Variants in CPSF7 observed in about 807,000 individuals in gnomAD.
CPSF7 encodes cleavage and polyadenylation specificity factor subunit 7.
In CPSF7, 1 loss-of-function variant was observed where a neutral mutation model predicts 44.3. The ratio of observed to expected loss-of-function variants is 0.02; its 90% CI spans 0.01 to 0.11. CPSF7 has a LOEUF of 0.11. Among genes scored for constraint, CPSF7 ranks in the 10% least tolerant of loss-of-function variants. The pLI, the probability that CPSF7 is intolerant of heterozygous loss-of-function variation, is 1.00. For missense variants in CPSF7, 443 were observed against 607.2 expected, an observed-to-expected ratio of 0.73 and a Z score of 2.84; for synonymous variants, 202 against 222.0, an observed-to-expected ratio of 0.91 and a Z score of 0.80.
chr11:61,415,393 C>T (rs776434624), intron 7 of CPSF7, among the ~76,000 whole-genome samples: 8 of 152,140 alleles, frequency 5.3e-5, no homozygotes, highest in Non-Finnish European at 1.2e-4. Context: ...TTTCACTCTA[C>T]AGCAAACACC....
chr11:61,408,097 C>T (rs1401904532), intron 9 of CPSF7, among the ~76,000 whole-genome samples: 4 of 150,274 alleles, frequency 2.7e-5, no homozygotes, highest in South Asian at 2.1e-4. Context: ...CACTCTGTCG[C>T]CCAGGCTGGA....
At chr11:61,423,079 C>A (rs2135382759) in intron 2 of CPSF7, among the ~76,000 whole-genome samples, 1 of 114,998 alleles carries the variant, frequency 8.7e-6, no homozygotes, top group South Asian at 2.9e-4. Context: ...GTGAGCCAGC[C>A]TGGGCAACAG....
At chr11:61,412,378 C>T (rs1374059724) in intron 7 of CPSF7, among the ~76,000 whole-genome samples, 1 of 151,948 alleles carries the variant, frequency 6.6e-6, no homozygotes, top group Non-Finnish European at 1.5e-5. Context: ...CAAGCTCCGC[C>T]TCCCAGGTTC....
chr11:61,423,620 T>C (rs1392066629), intron 2 of CPSF7, among the ~76,000 whole-genome samples: 1 of 152,236 alleles, frequency 6.6e-6, no homozygotes, highest in African/African-American at 2.4e-5. Context: ...CAGTTTCATA[T>C]TGCTATTCTT....
At chr11:61,417,353 A>G (rs1026427547) in intron 5 of CPSF7, among the ~76,000 whole-genome samples, 4 of 152,220 alleles carry the variant, frequency 2.6e-5, no homozygotes, top group African/African-American at 7.2e-5. Context: ...AGCTCAGAAC[A>G]TGTTTTAAAC....
intron 7 of CPSF7, among the ~76,000 whole-genome samples, chr11:61,414,148 A>ATTTT (rs11420964): frequency 3.8e-5 from 5 of 132,634 alleles, no homozygotes; most frequent in African/African-American, 5.7e-5. Flanking sequence ...AAAAAGACTA[A>ATTTT]TTTTTTTTTT....
chr11:61,405,174 A>G (rs1181010036), intron 9 of CPSF7, among the ~76,000 whole-genome samples: 1 of 152,190 alleles, frequency 6.6e-6, no homozygotes, highest in Non-Finnish European at 1.5e-5. Context: ...GAAAACAAGT[A>G]TGTACACAAC....
chr11:61,415,712 T>C lies in CPSF7; in HGVS notation c.1011A>G (p.Ala337=), dbSNP rs1860262339. The C allele has an allele frequency of 6.2e-7, 1 of 1,614,076 alleles. No homozygotes were observed. The highest frequency in any genetic ancestry group is 8.5e-7 in the Non-Finnish European group (1 of 1,180,014). ...EFEDIMKRNR[A]ISSSAISKAV... is the part of the protein sequence containing the mutation. ...CTTTGGAAATGGCACTGCTGGAAAT[T>C]GCTCTGTTTCGCTTCATGATATCTT... is the stretch of plus-strand genomic sequence containing the variant. Residue 337 remains alanine (A), a synonymous_variant, in exon 7 of 10, where the codon GCA becomes GCG. Transcript: ENST00000439958.
chr11:61,428,221 GCC>G (rs1861586225), intron 2 of CPSF7, among the ~76,000 whole-genome samples: 1 of 152,294 alleles, frequency 6.6e-6, no homozygotes, highest in African/African-American at 2.4e-5. Context: ...TTGTTCTGTT[GCC>G]CAGGATAGAG....
At chr11:61,409,207 C>A (rs1343267917) in intron 9 of CPSF7, among the ~76,000 whole-genome samples, 1 of 151,808 alleles carries the variant, frequency 6.6e-6, no homozygotes, top group Non-Finnish European at 1.5e-5. Context: ...GGTGCGGTGG[C>A]TCACGCCTGT....
rs139467444 is a variant in CPSF7 at position 61,425,282 on chromosome 11, C to T, written c.55-3674G>A. Among the ~76,000 whole-genome samples the T allele has an allele frequency of 1.2e-4, 18 of 152,284 alleles. 1 individual carries two copies. Among genetic ancestry groups the T allele is most frequent in the Non-Finnish European group, 2.2e-4 (15 of 68,022 alleles). On this transcript the variant is annotated intron_variant, in intron 2 of 9. Transcript: ENST00000439958. The stretch of plus-strand genomic sequence containing the variant: ...CATTTTACTTGTTCAGCTAGTAAGA[C>T]AGAAACACAGTTAAGGGCCGGAGAT...
In CPSF7 at chr11:61,421,432, C is replaced by A. The variant is rs1409980577; in HGVS notation, c.231G>T (p.Leu77=). 6.8e-6 allele frequency: 11 copies of A among 1,614,066 alleles called. No homozygotes were observed. Among genetic ancestry groups the A allele is most frequent in the Admixed American group, 6.7e-5 (4 of 59,994 alleles). Residue 77 remains leucine (L), a synonymous_variant, in exon 3 of 10, where the codon CTG becomes CTT. Coordinates refer to ENST00000439958, the MANE Select transcript of CPSF7 (RefSeq NM_001142565.3). The stretch of plus-strand genomic sequence containing the variant: ...CATAAACGGCAGCTCGTCTATTACG[C>A]AGGCCACTGTAGGTATACAGAATTG... ...TPAILYTYSG[L]RNRRAAVYVG...
chr11:61,411,147 CTT>C, intron 8 of CPSF7, 42 bp from the exon 9 acceptor site: 1 of 1,552,346 alleles, frequency 6.4e-7, no homozygotes. Context: ...AGGCCTACCA[CTT>C]TCTTTCCAAG....
chr11:61,413,318 T>C (rs1028776608), intron 7 of CPSF7, among the ~76,000 whole-genome samples: 1 of 152,100 alleles, frequency 6.6e-6, no homozygotes, highest in Non-Finnish European at 1.5e-5. Flanking sequence ...AAAACATGTA[T>C]GCGTAGTATA....
intron 2 of CPSF7, among the ~76,000 whole-genome samples, chr11:61,427,772 T>C (rs1861529687): frequency 6.6e-6 from 1 of 152,148 alleles, no homozygotes; most frequent in African/African-American, 2.4e-5. Context: ...GTATAATTGG[T>C]GAAGCTGTAT....
rs1344288665 is a variant in CPSF7 at position 61,429,760 on chromosome 11, G to A, written c.-56+154C>T. 10 of 1,545,880 alleles carry A rather than the reference G, an allele frequency of 6.5e-6. No homozygotes were observed. The South Asian group carries it at 1.2e-4, about 18-fold the overall frequency. On this transcript the variant is annotated intron_variant, in intron 1 of 9. Transcript: ENST00000439958. Reference sequence around the variant, plus strand: ...GCCCCGCTCCCTCCCGACAAACCCGGCCCGGCGCGCTCTGCCTCCTCCCTC... The same window carrying A: ...GCCCCGCTCCCTCCCGACAAACCCGACCCGGCGCGCTCTGCCTCCTCCCTC...
chr11:61,411,692 C>A, intron 8 of CPSF7, 77 bp downstream of exon 8: 2 of 1,349,672 alleles, frequency 1.5e-6, no homozygotes, highest in Non-Finnish European at 2.0e-6. Context: ...ATTCCCTGGG[C>A]TCCATTTGTC....
rs888561021 is a variant in CPSF7, at chr11:61,402,758, T to C, written c.*1952A>G. 6.6e-6 allele frequency: 1 copy of C among 152,602 alleles called. No individual in the cohort carries two copies. Among genetic ancestry groups the C allele is most frequent in the African/African-American group, 2.4e-5 (1 of 41,430 alleles). 9.5% of individuals were successfully genotyped at this position (152,602 alleles called of 1,614,324 possible). A position where few individuals can be genotyped will look rare whatever the true frequency, so the allele number is the denominator to read the frequency against. On this transcript the variant is annotated 3_prime_UTR_variant, in exon 10 of 10. Coordinates refer to ENST00000439958, the MANE Select transcript of CPSF7 (RefSeq NM_001142565.3). ...CAGCGTCATCAAGTTTATTACACAA[T>C]TTTCAACCTATCAGAAAGACAAACA...
rs572213470 is a variant in CPSF7, at chr11:61,416,045, T to A, written c.938+60A>T. On this transcript the variant is annotated intron_variant, in intron 6 of 9. Coordinates refer to ENST00000439958, the MANE Select transcript of CPSF7 (RefSeq NM_001142565.3). ...TCAGTGCTCACTTTCTCAGGGAGAA[T>A]AAAATGCTTAATACACTTATTTACC... The A allele has an allele frequency of 7.0e-5, 97 of 1,386,142 alleles. 1 individual carries two copies. The South Asian group carries it at 1.5e-3, about 21-fold the overall frequency. The allele number at this position is 1,386,142 out of a possible 1,614,324, so 85.9% of individuals were successfully genotyped here.
Sources: gnomAD v4.1 joint callset for allele counts (sites outside exome capture counted in the v4.1 genomes callset) on GRCh38, gnomAD v4.1.1 for gene constraint, MANE v1.5 for transcripts, NCBI Gene and HGNC (gene_info 2026-07-23, HGNC 2026-07-21) for gene names.